Variants in MGRN1 observed in about 807,000 individuals in gnomAD.
The protein encoded by MGRN1 is E3 ubiquitin-protein ligase MGRN1.
Under a neutral mutation model 69.2 loss-of-function variants are expected in MGRN1, and 29 were observed. The observed-to-expected ratio is 0.42, with a 90% CI of 0.31 to 0.57. The LOEUF (loss-of-function observed/expected upper bound fraction) is 0.57, where lower values mean the gene tolerates loss of function less well. MGRN1 is among the 20% of genes least tolerant of loss of function. MGRN1 has a pLI of 0.15. For missense variants in MGRN1, 998 were observed against 796.2 expected (o/e 1.25, Z -3.05); for synonymous variants, 470 against 344.2 (o/e 1.37, Z -4.04).
chr16:4,679,223 C>T (rs1213191481), intron 11 of MGRN1, among the ~76,000 whole-genome samples: 1 of 152,216 alleles, frequency 6.6e-6, no homozygotes, highest in African/African-American at 2.4e-5. Flanking sequence ...GTGATCGATG[C>T]TCAGGCGTGG....
intron 16 of MGRN1, chr16:4,687,141 A>G (rs2079341647): frequency 3.0e-6 from 3 of 985,392 alleles, no homozygotes; most frequent in Non-Finnish European, 2.4e-6. Flanking sequence ...TGTCCCTCCC[A>G]GTACTGGAAC....
chr16:4,654,661 G>T (rs2078489706), intron 4 of MGRN1, among the ~76,000 whole-genome samples: 1 of 152,264 alleles, frequency 6.6e-6, no homozygotes, highest in East Asian at 1.9e-4. Context: ...TTGTGCCTCT[G>T]TGTCCTCAGC....
chr16:4,687,490 C>T (rs1466031659), intron 16 of MGRN1: 16 of 975,922 alleles, frequency 1.6e-5, no homozygotes, highest in South Asian at 4.7e-5. Flanking sequence ...AGGCCCACTC[C>T]AGCCTGAGAC....
At chr16:4,628,696 C>T (rs1428899441) in intron 1 of MGRN1, among the ~76,000 whole-genome samples, 1 of 152,126 alleles carries the variant, frequency 6.6e-6, no homozygotes, top group Non-Finnish European at 1.5e-5. Context: ...AGGTGCGCAC[C>T]ACCACGCCCG....
chr16:4,662,995 T>C (rs535280700), intron 5 of MGRN1, among the ~76,000 whole-genome samples: 2 of 152,288 alleles, frequency 1.3e-5, no homozygotes, highest in Admixed American at 6.5e-5. Flanking sequence ...GGCAGGAGGC[T>C]CTCCCCTCAC....
chr16:4,653,742 C>T (rs1453285308), intron 4 of MGRN1, among the ~76,000 whole-genome samples: 1 of 150,710 alleles, frequency 6.6e-6, no homozygotes, highest in East Asian at 2.0e-4. Flanking sequence ...TCCATCTCAG[C>T]CTCCCAAAGT....
chr16:4,637,054 G>C (rs1410219666), intron 1 of MGRN1, among the ~76,000 whole-genome samples: 2 of 149,158 alleles, frequency 1.3e-5, no homozygotes, highest in East Asian at 3.9e-4. Flanking sequence ...GGGAGGTGGA[G>C]CTTGCAGTGA....
In MGRN1 at chr16:4,657,360, C is replaced by G. The variant is rs529922500; in HGVS notation, c.558C>G (p.Asp186Glu). The change falls in exon 5 of 17, where the codon GAC becomes GAG. Residue 186 changes from aspartate to glutamate, a missense_variant. Asp to Glu is a conservative substitution (Grantham distance 45). Coordinates refer to ENST00000262370, the MANE Select transcript of MGRN1 (RefSeq NM_015246.4). ...TTGACTTCTCGGAATGGAAGGATGACGAGGTAATGCTGGCTGGGCGGCTCC... is the reference window on the plus strand; with the variant it reads ...TTGACTTCTCGGAATGGAAGGATGAGGAGGTAATGCTGGCTGGGCGGCTCC... Reference protein sequence around the residue: ...FKIDFSEWKDDELNFDLDRGV... With the variant: ...FKIDFSEWKDEELNFDLDRGV... The G allele has an allele frequency of 1.9e-6, 3 of 1,613,642 alleles. No individual in the cohort carries two copies. The highest frequency in any genetic ancestry group is 3.3e-5 in the Admixed American group (2 of 60,020).
chr16:4,688,364 T>C, intron 16 of MGRN1: 2 of 996,726 alleles, frequency 2.0e-6, no homozygotes, highest in Non-Finnish European at 2.4e-6. Flanking sequence ...AGCACGGGCT[T>C]GTTCTCACCC....
chr16:4,665,081 C>A (rs996919956), intron 6 of MGRN1, 21 bp from the exon 7 acceptor site: 2 of 1,614,220 alleles, frequency 1.2e-6, no homozygotes, highest in East Asian at 4.5e-5. Context: ...TCTGACTACT[C>A]TGCCCCTCTC....
At chr16:4,627,694 C>G (rs1310111025) in intron 1 of MGRN1, among the ~76,000 whole-genome samples, 1 of 151,750 alleles carries the variant, frequency 6.6e-6, no homozygotes, top group Middle Eastern at 3.2e-3. Flanking sequence ...GAGGCTGAGG[C>G]AGGCTGAATT....
At chr16:4,687,227 C>G in intron 16 of MGRN1, 3 of 985,416 alleles carry the variant, frequency 3.0e-6, no homozygotes, top group South Asian at 4.7e-5. Context: ...GAGGCGCCCT[C>G]TACCAGGGTG....
intron 2 of MGRN1, 59 bp downstream of exon 2, chr16:4,650,542 C>A: frequency 7.5e-7 from 1 of 1,328,868 alleles, no homozygotes; most frequent in Non-Finnish European, 1.0e-6. Context: ...CTGTCCCCAG[C>A]AGTCCGCATC....
chr16:4,664,613 C>A, intron 5 of MGRN1, 96 bp from the exon 6 acceptor site: 1 of 1,301,780 alleles, frequency 7.7e-7, no homozygotes, highest in Non-Finnish European at 1.1e-6. Context: ...CTGCCTCCTG[C>A]TCCTGCCTGC....
At chr16:4,684,532 G>T (rs910432946) in intron 16 of MGRN1, among the ~76,000 whole-genome samples, 1 of 152,264 alleles carries the variant, frequency 6.6e-6, no homozygotes, top group African/African-American at 2.4e-5. Context: ...TCCCAGGCCA[G>T]GCACAGAGGA....
In MGRN1 at chr16:4,688,759, C is replaced by T. The variant is rs1298951578; in HGVS notation, c.1619-37C>T. 1.8e-5 allele frequency: 28 copies of T among 1,516,124 alleles called. No homozygotes were observed. The East Asian group carries it at 6.5e-4, about 35-fold the overall frequency. The allele number at this position is 1,516,124 out of a possible 1,614,324, so 93.9% of individuals were successfully genotyped here. A position where few individuals can be genotyped will look rare whatever the true frequency, so the allele number is the denominator to read the frequency against. Reference sequence around the variant, plus strand: ...GAGCGGGTGGCGTGGCACCAGGCATCCGAGTGTGACCCTCCTCCCTCTGCT... The same window carrying T: ...GAGCGGGTGGCGTGGCACCAGGCATTCGAGTGTGACCCTCCTCCCTCTGCT... On this transcript the variant is annotated intron_variant, in intron 16 of 16. Coordinates refer to ENST00000262370, the MANE Select transcript of MGRN1 (RefSeq NM_015246.4).
In MGRN1 at chr16:4,683,239, G is replaced by A. The variant is rs750620578; in HGVS notation, c.1498G>A (p.Glu500Lys). Residue 500 changes from glutamate (E) to lysine (K), a missense_variant, in exon 15 of 17, where the codon GAG becomes AAG. Coordinates refer to ENST00000262370, the MANE Select transcript of MGRN1 (RefSeq NM_015246.4). ...SSSPESFITEEVDESSSPQQG... is the reference protein window; with the variant it reads ...SSSPESFITEKVDESSSPQQG... Reference sequence around the variant, plus strand: ...TGTTTCCTAGAGTTTCATAACAGAAGAGGTTGATGAGTCGTCGTCACCACA... The same window carrying A: ...TGTTTCCTAGAGTTTCATAACAGAAAAGGTTGATGAGTCGTCGTCACCACA... The A allele has an allele frequency of 1.2e-6, 2 of 1,613,730 alleles. No individual in the cohort carries two copies. Among genetic ancestry groups the A allele is most frequent in the Non-Finnish European group, 1.7e-6 (2 of 1,179,992 alleles).
rs746657621 is a variant in MGRN1, at chr16:4,681,675, C to A, written c.1257C>A (p.Ile419=). Residue 419 remains isoleucine, a synonymous_variant, in exon 13 of 17, where the codon ATC becomes ATA. Transcript: ENST00000262370. The part of the protein sequence containing the change: ...PLYEEITYSG[I]SDGLSQASCP... The stretch of plus-strand genomic sequence containing the variant: ...ATGAAGAAATCACCTATTCAGGCAT[C>A]TCGGACGGCCTGTCCCAGGCCAGCT... The A allele has an allele frequency of 1.2e-6, 2 of 1,613,362 alleles. No homozygotes were observed. The highest frequency in any genetic ancestry group is 1.7e-6 in the Non-Finnish European group (2 of 1,180,026).
intron 10 of MGRN1, 37 bp downstream of exon 10, chr16:4,673,694 G>T (rs1347072519): frequency 1.2e-6 from 2 of 1,606,078 alleles, no homozygotes; most frequent in Non-Finnish European, 1.7e-6. Flanking sequence ...GGAAGGTTCT[G>T]GAAATTAGGG....
Sources: allele counts gnomAD v4.1 joint callset (sites outside exome capture counted in the v4.1 genomes callset), GRCh38; gene constraint gnomAD v4.1.1; transcripts MANE v1.5; gene names NCBI Gene and HGNC (gene_info 2026-07-23, HGNC 2026-07-21).